The following TUBGCP5 variants were observed in gnomAD, a reference collection of about 807,000 sequenced individuals.
TUBGCP5 encodes the protein gamma-tubulin complex component 5.
In TUBGCP5, 98 loss-of-function variants were observed where a neutral mutation model predicts 134.7. The ratio of observed to expected loss-of-function variants is 0.73; its 90% CI spans 0.62 to 0.86. The LOEUF (loss-of-function observed/expected upper bound fraction) is 0.86. Ranked by LOEUF, TUBGCP5 falls within the 40% of genes least tolerant of loss-of-function variation. TUBGCP5 has a pLI of 0.00. For missense variants in TUBGCP5, 1,150 were observed against 1,244.8 expected, an observed-to-expected ratio of 0.92 and a Z score of 1.15; for synonymous variants, 456 against 431.4, an observed-to-expected ratio of 1.06 and a Z score of -0.71.
chr15:23,032,069 C>T, intron 4 of TUBGCP5, 40 bp from the exon 5 acceptor site: 1 of 1,494,528 alleles, frequency 6.7e-7, no homozygotes. Flanking sequence ...TTTATTATAT[C>T]TATCTTTGAA....
chr15:23,007,526 A>G (rs2064790949), intron 16 of TUBGCP5, among the ~76,000 whole-genome samples: 1 of 152,184 alleles, frequency 6.6e-6, no homozygotes, highest in Non-Finnish European at 1.5e-5. Flanking sequence ...TCTTCCCTCC[A>G]GGGACTCCCA....
intron 11 of TUBGCP5, among the ~76,000 whole-genome samples, chr15:23,021,706 T>C (rs1040661690): frequency 2.6e-5 from 4 of 152,224 alleles, no homozygotes; most frequent in Admixed American, 2.0e-4. Flanking sequence ...GAAAGCGTTA[T>C]TGTAAATATC....
At chr15:23,011,007 A>T in intron 14 of TUBGCP5, 126 bp downstream of exon 14, 6 of 886,818 alleles carry the variant, frequency 6.8e-6, no homozygotes, top group Non-Finnish European at 1.0e-5. Context: ...AAAAGGAAAA[A>T]GAAAAAAGAA....
Position 23,006,419 on chromosome 15 carries a change from T to TA in TUBGCP5, c.2328-68dup, listed in dbSNP as rs1442201629. 2.8e-6 allele frequency: 3 copies of TA among 1,090,186 alleles called. No homozygotes were observed. In the African/African-American group the frequency reaches 4.8e-5, roughly 17 times the overall value. The allele number at this position is 1,090,186 out of a possible 1,614,324, so 67.5% of individuals were successfully genotyped here. A position where few individuals can be genotyped will look rare whatever the true frequency, so the allele number is the denominator to read the frequency against. ...GTCACACAAAAATGCTCTTTTAAAA[T>TA]AATTGGTATTTCATTTACATAATAT... On this transcript the variant is annotated intron_variant, in intron 16 of 22. Transcript: ENST00000615383.
chr15:23,027,778 C>T (rs1025791964), intron 6 of TUBGCP5, among the ~76,000 whole-genome samples: 3 of 150,360 alleles, frequency 2.0e-5, no homozygotes, highest in Admixed American at 1.3e-4. Flanking sequence ...TAAAACCACA[C>T]ATATAGAAAC....
intron 11 of TUBGCP5, among the ~76,000 whole-genome samples, chr15:23,021,052 C>T (rs533334206): frequency 4.6e-5 from 7 of 152,250 alleles, no homozygotes; most frequent in African/African-American, 1.4e-4. Context: ...CCACACTAGG[C>T]TAATGTTTGT....
At chr15:22,988,238 T>TA (rs2063738067) in intron 23 of TUBGCP5, among the ~76,000 whole-genome samples, 1 of 151,788 alleles carries the variant, frequency 6.6e-6, no homozygotes, top group Non-Finnish European at 1.5e-5. Flanking sequence ...GCAGTGTGCT[T>TA]ACATGAGACA....
Position 23,030,991 on chromosome 15 carries a change from AT to A in TUBGCP5, c.515del (p.Asn172MetfsTer6). The A allele has an allele frequency of 1.2e-6, 2 of 1,613,090 alleles. No homozygotes were observed. The highest frequency in any genetic ancestry group is 8.5e-7 in the Non-Finnish European group (1 of 1,179,788). ...PNWSEESEEE[N>X]DQQPLSREDS... is the part of the protein sequence containing the mutation. ...CCTCTCTGCTTAAGGGCTGTTGATC[AT>A]TTTCCTCTTCACTTTCTTCAGACCA... On this transcript the variant is annotated frameshift_variant, in exon 6 of 23. Transcript: ENST00000615383. LOFTEE classifies it high-confidence loss of function.
At chr15:23,030,823 T>C (rs1158717074) in intron 6 of TUBGCP5, 62 bp downstream of exon 6, 7 of 1,584,546 alleles carry the variant, frequency 4.4e-6, no homozygotes, top group African/African-American at 1.4e-5. Flanking sequence ...ATCTCAAAGT[T>C]TGCCTTTCCT....
intron 6 of TUBGCP5, among the ~76,000 whole-genome samples, chr15:23,029,794 T>C (rs764253008): frequency 2.6e-5 from 4 of 151,844 alleles, no homozygotes; most frequent in Non-Finnish European, 5.9e-5. Context: ...GGCAGGAGAA[T>C]TGTTTGAACC....
chr15:23,021,022 G>C (rs2065655573), intron 11 of TUBGCP5, among the ~76,000 whole-genome samples: 1 of 152,180 alleles, frequency 6.6e-6, no homozygotes, highest in Non-Finnish European at 1.5e-5. Context: ...CTGAGTAGCT[G>C]GGATGACAGG....
chr15:23,035,547 T>C (rs183608306), intron 3 of TUBGCP5, among the ~76,000 whole-genome samples: 1 of 152,142 alleles, frequency 6.6e-6, no homozygotes, highest in Non-Finnish European at 1.5e-5. Context: ...CAGTTCACAA[T>C]GGGGTTTGCT....
intron 3 of TUBGCP5, among the ~76,000 whole-genome samples, chr15:23,036,363 C>G (rs1301036540): frequency 6.6e-6 from 1 of 152,204 alleles, no homozygotes; most frequent in Non-Finnish European, 1.5e-5. Context: ...TTTGGACATG[C>G]GTGCCTAGCT....
At chr15:23,037,354 C>T (rs897685082) in intron 1 of TUBGCP5, among the ~76,000 whole-genome samples, 2 of 152,154 alleles carry the variant, frequency 1.3e-5, no homozygotes, top group African/African-American at 4.8e-5. Flanking sequence ...CTTTCTCCAG[C>T]ACACAGGTTC....
chr15:23,034,826 C>T, intron 3 of TUBGCP5, among the ~76,000 whole-genome samples: 1 of 150,708 alleles, frequency 6.6e-6, no homozygotes, highest in East Asian at 2.0e-4. Context: ...GATTCCGTCT[C>T]AAAAAACAAA....
At chr15:23,015,903 C>T (rs1289215379) in intron 13 of TUBGCP5, among the ~76,000 whole-genome samples, 1 of 152,186 alleles carries the variant, frequency 6.6e-6, no homozygotes, top group East Asian at 1.9e-4. Context: ...GAAAAGGTGA[C>T]TTTCCCACCA....
At position 23,024,736 on chromosome 15, in the gene TUBGCP5, C is replaced by G; in HGVS notation, c.921+1G>C. 5.0e-6 allele frequency: 7 copies of G among 1,407,946 alleles called. No homozygotes were observed. Among genetic ancestry groups the G allele is most frequent in the Non-Finnish European group, 6.9e-6 (7 of 1,016,572 alleles). 87.2% of individuals were successfully genotyped at this position (1,407,946 alleles called of 1,614,324 possible). A position where few individuals can be genotyped will look rare whatever the true frequency, so the allele number is the denominator to read the frequency against. Reference sequence around the variant, plus strand: ...AATTACCATAAATACAAATAACTTACATGTGTTAAATGAGTTACTATAATA... The same window carrying G: ...AATTACCATAAATACAAATAACTTAGATGTGTTAAATGAGTTACTATAATA... On this transcript the variant is annotated splice_donor_variant, in intron 9 of 22. Coordinates refer to ENST00000615383, the MANE Select transcript of TUBGCP5 (RefSeq NM_052903.6). LOFTEE classifies it high-confidence loss of function.
intron 10 of TUBGCP5, chr15:23,023,244 G>A (rs1336061315): frequency 6.6e-6 from 1 of 152,022 alleles, no homozygotes; most frequent in African/African-American, 2.4e-5. Context: ...GCAGGAGGAT[G>A]GCGTGAACCC....
At chr15:23,014,396 G>A (rs1347427592) in intron 13 of TUBGCP5, among the ~76,000 whole-genome samples, 2 of 152,226 alleles carry the variant, frequency 1.3e-5, no homozygotes, top group African/African-American at 4.8e-5. Flanking sequence ...GGCCAACAGA[G>A]CGGCCACAGG....
Sources: gnomAD v4.1 joint callset for allele counts (sites outside exome capture counted in the v4.1 genomes callset) on GRCh38, gnomAD v4.1.1 for gene constraint, MANE v1.5 for transcripts, NCBI Gene and HGNC (gene_info 2026-07-23, HGNC 2026-07-21) for gene names.